The following CHLSN variants were observed in gnomAD, a reference collection of about 807,000 sequenced individuals.
CHLSN encodes cholesin.
At chr7:1,109,727 A>C in the CHLSN span, among the ~76,000 whole-genome samples, 2 of 129,328 alleles carry the variant, frequency 1.5e-5, no homozygotes, top group South Asian at 2.6e-4. Context: ...GGCCCTCCCC[A>C]CTCACCCCTC....
the CHLSN span, chr7:1,028,369 C>CGCAT: frequency 1.0e-6 from 1 of 989,400 alleles, no homozygotes; most frequent in East Asian, 1.1e-4. Flanking sequence ...CTCCACACTG[C>CGCAT]GCATGCCCGG....
chr7:1,121,338 A>C, the CHLSN span, among the ~76,000 whole-genome samples: 2 of 152,120 alleles, frequency 1.3e-5, no homozygotes, highest in Non-Finnish European at 2.9e-5. Flanking sequence ...GCTCCCAGGG[A>C]GCCTCCACAG....
the CHLSN span, among the ~76,000 whole-genome samples, chr7:1,113,383 C>T: frequency 0.024 from 3,700 of 152,310 alleles, 53 homozygotes; most frequent in Non-Finnish European, 0.029. Flanking sequence ...CAGAAGGCGC[C>T]GCCCGGGCAG....
At chr7:1,120,101 A>G in the CHLSN span, among the ~76,000 whole-genome samples, 39 of 152,268 alleles carry the variant, frequency 2.6e-4, no homozygotes, top group Middle Eastern at 3.4e-3. Flanking sequence ...TGTTTTTTAA[A>G]ACCACATACT....
chr7:1,066,367 G>C, the CHLSN span, among the ~76,000 whole-genome samples: 1 of 152,230 alleles, frequency 6.6e-6, no homozygotes, highest in African/African-American at 2.4e-5. Flanking sequence ...AGGCTAATTG[G>C]GGCCCATCGT....
At chr7:1,080,437 G>C in the CHLSN span, among the ~76,000 whole-genome samples, 7 of 152,198 alleles carry the variant, frequency 4.6e-5, no homozygotes, top group East Asian at 1.9e-4. Context: ...CAGGCTCGGA[G>C]GCTGCACACG....
chr7:1,098,266 C>T, the CHLSN span, among the ~76,000 whole-genome samples: 12 of 152,224 alleles, frequency 7.9e-5, no homozygotes, highest in Admixed American at 5.9e-4. Flanking sequence ...ATCCACTCCA[C>T]GCCCATGGAT....
chr7:1,108,484 G>A, the CHLSN span, among the ~76,000 whole-genome samples: 1 of 152,190 alleles, frequency 6.6e-6, no homozygotes, highest in Admixed American at 6.5e-5. Context: ...CGAATCTCAC[G>A]GCCCAAACGC....
the CHLSN span, among the ~76,000 whole-genome samples, chr7:1,096,979 G>A: frequency 6.6e-6 from 1 of 152,210 alleles, no homozygotes; most frequent in Non-Finnish European, 1.5e-5. The surrounding 1 kb of genome is among the most constrained non-coding windows in gnomAD (Gnocchi z 4.6). Flanking sequence ...CCGTGAACTG[G>A]GCACATGAGG....
chr7:1,088,449 G>C, the CHLSN span: 4 of 151,230 alleles, frequency 2.6e-5, no homozygotes, highest in East Asian at 7.8e-4. The surrounding 1 kb of genome is among the most constrained non-coding windows in gnomAD (Gnocchi z 4.5). Context: ...CCCCTGGTGA[G>C]AGCAGCACCC....
chr7:983,766 C>G, the CHLSN span, among the ~76,000 whole-genome samples: 1 of 152,206 alleles, frequency 6.6e-6, no homozygotes, highest in Non-Finnish European at 1.5e-5. Flanking sequence ...CTCAGGTGTT[C>G]AACAGCAAAC....
chr7:1,096,165 G>A, the CHLSN span, among the ~76,000 whole-genome samples: 8 of 152,306 alleles, frequency 5.3e-5, no homozygotes, highest in South Asian at 1.0e-3. The surrounding 1 kb of genome is among the most constrained non-coding windows in gnomAD (Gnocchi z 4.6). Context: ...GAAGCGTCAC[G>A]CCGCCCCACT....
the CHLSN span, chr7:1,057,971 G>C: frequency 1.3e-6 from 1 of 771,228 alleles, no homozygotes; most frequent in Non-Finnish European, 2.4e-6. Context: ...GCTTCGTGTG[G>C]GGTGGCGCGC....
the CHLSN span, chr7:986,582 G>A: frequency 2.5e-6 from 4 of 1,604,034 alleles, no homozygotes; most frequent in Non-Finnish European, 3.4e-6. Context: ...GTGCAGCCCT[G>A]GGGCTGCGTC....
At chr7:1,017,067 G>C in the CHLSN span, among the ~76,000 whole-genome samples, 9 of 152,120 alleles carry the variant, frequency 5.9e-5, no homozygotes, top group African/African-American at 2.2e-4. Flanking sequence ...TGTCATTGAG[G>C]GTGTGGGGTC....
the CHLSN span, chr7:997,572 G>A: frequency 7.1e-7 from 1 of 1,404,904 alleles, no homozygotes; most frequent in Non-Finnish European, 9.3e-7. Flanking sequence ...TGCACCCTGT[G>A]TGGTCTGAGG....
the CHLSN span, among the ~76,000 whole-genome samples, chr7:1,097,273 C>T: frequency 1.6e-4 from 25 of 152,136 alleles, 1 homozygote; most frequent in African/African-American, 5.3e-4. The surrounding 1 kb of genome is among the most constrained non-coding windows in gnomAD (Gnocchi z 4.3). Flanking sequence ...TGATTTGGGC[C>T]GGGGCAGGGA....
the CHLSN span, among the ~76,000 whole-genome samples, chr7:1,130,729 G>T: frequency 9.2e-5 from 14 of 152,188 alleles, no homozygotes; most frequent in South Asian, 4.1e-4. Context: ...GGGGCGGGGG[G>T]GTGCCACAGA....
chr7:1,026,132 G>A, the CHLSN span: 4 of 152,318 alleles, frequency 2.6e-5, no homozygotes, highest in Admixed American at 6.5e-5. Context: ...TAGGCCCCTC[G>A]GCTCCAGCTC....
Sources: gnomAD v4.1 joint callset for allele counts (sites outside exome capture counted in the v4.1 genomes callset) on GRCh38, gnomAD v4.1.1 for gene constraint, Gnocchi (gnomAD v3.1) non-coding constraint, MANE v1.5 for transcripts, NCBI Gene and HGNC (gene_info 2026-07-23, HGNC 2026-07-21) for gene names.